TTLL11: variants seen among roughly 807,000 people sequenced by gnomAD.
TTLL11 encodes the protein tubulin polyglutamylase TTLL11.
In TTLL11, 42 loss-of-function variants were observed where a neutral mutation model predicts 51.7. That is an observed-to-expected ratio of 0.81 (90% CI 0.64 to 1.05). The LOEUF (loss-of-function observed/expected upper bound fraction) is 1.05. TTLL11 is among the 50% of genes least tolerant of loss of function. TTLL11 has a pLI of 0.00. For missense variants in TTLL11, 799 were observed against 940.4 expected (o/e 0.85, Z 1.97); for synonymous variants, 381 against 383.5 (o/e 0.99, Z 0.08).
intron 8 of TTLL11, among the ~76,000 whole-genome samples, chr9:121,844,789 A>G (rs375115206): frequency 1.3e-5 from 2 of 151,986 alleles, no homozygotes; most frequent in African/African-American, 4.8e-5. Flanking sequence ...GAGCTTGAAG[A>G]TATGTCAATA....
intron 4 of TTLL11, among the ~76,000 whole-genome samples, chr9:121,978,848 T>A (rs944971804): frequency 1.3e-5 from 2 of 152,130 alleles, no homozygotes; most frequent in African/African-American, 4.8e-5. Context: ...ATCCACAGTA[T>A]CCCCAACTGG....
intron 6 of TTLL11, among the ~76,000 whole-genome samples, chr9:121,971,746 G>GA (rs768215225): frequency 0.011 from 1,093 of 97,840 alleles, 26 homozygotes; most frequent in South Asian, 0.036. Context: ...TCTGCCTTGG[G>GA]AAAAAAAAAA....
chr9:121,874,817 C>T (rs918016889), intron 6 of TTLL11, among the ~76,000 whole-genome samples: 2 of 149,650 alleles, frequency 1.3e-5, no homozygotes, highest in Admixed American at 1.3e-4. Context: ...AGTGCAGTGG[C>T]GTGATCTCGG....
At chr9:121,967,599 G>T (rs535945738) in intron 6 of TTLL11, among the ~76,000 whole-genome samples, 55 of 152,250 alleles carry the variant, frequency 3.6e-4, no homozygotes, top group African/African-American at 1.3e-3. Flanking sequence ...AATAAATGAG[G>T]AGTCTGGATA....
At chr9:121,954,507 A>G (rs1239587266) in intron 6 of TTLL11, among the ~76,000 whole-genome samples, 4 of 152,260 alleles carry the variant, frequency 2.6e-5, no homozygotes, top group Non-Finnish European at 5.9e-5. Context: ...AACTATTTTT[A>G]GAAACACAAT....
At chr9:121,827,390 T>A (rs1588051742) in intron 8 of TTLL11, among the ~76,000 whole-genome samples, 1 of 151,940 alleles carries the variant, frequency 6.6e-6, no homozygotes, top group Admixed American at 6.6e-5. Flanking sequence ...TGCCGAAGGG[T>A]GGGGACGGGA....
Position 122,092,917 on chromosome 9 carries a change from T to C in TTLL11, c.232A>G (p.Thr78Ala), listed in dbSNP as rs757848631. ...GGCGGCGGCCGCTGAAGGACCTGGGTGTTCCCCTCCTCAGCCGCACTGGGC... is the reference window on the plus strand; with the variant it reads ...GGCGGCGGCCGCTGAAGGACCTGGGCGTTCCCCTCCTCAGCCGCACTGGGC... Reference protein sequence around the residue: ...AQPSAAEEGNTQVLQRPPPTL... With the variant: ...AQPSAAEEGNAQVLQRPPPTL... The change falls in exon 1 of 9, where the codon ACC becomes GCC. Residue 78 changes from threonine (T) to alanine (A), a missense_variant. Thr to Ala is a moderately conservative substitution (Grantham distance 58, BLOSUM62 0). Transcript: ENST00000321582. 1 of 1,578,062 alleles carries C rather than the reference T, an allele frequency of 6.3e-7. No individual in the cohort carries two copies. The highest frequency in any genetic ancestry group is 2.3e-5 in the East Asian group (1 of 43,676).
At chr9:121,884,767 C>A (rs10760203) in intron 6 of TTLL11, 83,724 of 151,924 alleles carry the variant, frequency 0.55, 24,235 homozygotes, top group Admixed American at 0.66. Context: ...ACAGGGGGCA[C>A]TTCACTTGTA....
intron 1 of TTLL11, among the ~76,000 whole-genome samples, chr9:122,067,584 C>T (rs894283885): frequency 2.6e-5 from 4 of 152,146 alleles, no homozygotes; most frequent in African/African-American, 4.8e-5. Context: ...TGCAATGGCG[C>T]GATCTCAGCT....
At chr9:122,085,000 C>T (rs1170603916) in intron 1 of TTLL11, among the ~76,000 whole-genome samples, 1 of 152,204 alleles carries the variant, frequency 6.6e-6, no homozygotes, top group Admixed American at 6.5e-5. Context: ...TGGCTCACAC[C>T]TGTAATCCCA....
intron 3 of TTLL11, among the ~76,000 whole-genome samples, chr9:122,006,831 CA>C (rs111603240): frequency 0.042 from 6,388 of 151,754 alleles, 147 homozygotes; most frequent in African/African-American, 0.07. Context: ...AATAAAAATA[CA>C]AAAATTAGCC....
chr9:121,875,008 G>C lies in TTLL11; in HGVS notation c.1482-4260C>G, dbSNP rs140119914. Reference sequence around the variant, plus strand: ...GCATAAAATCTTACAGCTATAAGTGGCTTTGGAGATCACTCTGTCCAACGA... The same window carrying C: ...GCATAAAATCTTACAGCTATAAGTGCCTTTGGAGATCACTCTGTCCAACGA... On this transcript the variant is annotated intron_variant, in intron 6 of 8. Coordinates refer to ENST00000321582, the MANE Select transcript of TTLL11 (RefSeq NM_001139442.2). 3.6e-4 allele frequency among the ~76,000 whole-genome samples: 54 copies of C among 152,094 alleles called. No homozygotes were observed. In the East Asian group the frequency reaches 7.3e-3, roughly 21 times the overall value.
chr9:122,071,754 C>CA (rs1239271996), intron 1 of TTLL11, among the ~76,000 whole-genome samples: 4 of 152,196 alleles, frequency 2.6e-5, no homozygotes, highest in Non-Finnish European at 5.9e-5. Context: ...CCTACTCACT[C>CA]AGAGGGTTGC....
intron 6 of TTLL11, among the ~76,000 whole-genome samples, chr9:121,897,640 A>ACACACACACACACACACACACACACACG (rs111331446): frequency 0.028 from 3,887 of 138,930 alleles, 91 homozygotes; most frequent in East Asian, 0.077. Flanking sequence ...ACACACACAC[A>ACACACACACACACACACACACACACACG]CGCGCGCGCG....
chr9:121,935,086 C>G (rs1841148629), intron 6 of TTLL11, among the ~76,000 whole-genome samples: 1 of 151,786 alleles, frequency 6.6e-6, no homozygotes. Flanking sequence ...TCCTGAGTAG[C>G]TGGGATTACA....
rs576855251 is a variant in TTLL11 at position 121,911,495 on chromosome 9, A to G, written c.1482-40747T>C. Reference sequence around the variant, plus strand: ...TAAAGACATATGCACATGTATGTTTATTGCAACACTATTCACAATAGCAAA... The same window carrying G: ...TAAAGACATATGCACATGTATGTTTGTTGCAACACTATTCACAATAGCAAA... On this transcript the variant is annotated intron_variant, in intron 6 of 8. Coordinates refer to ENST00000321582, the MANE Select transcript of TTLL11 (RefSeq NM_001139442.2). 2.6e-5 allele frequency among the ~76,000 whole-genome samples: 4 copies of G among 152,362 alleles called. No homozygotes were observed. The East Asian group carries it at 7.7e-4, about 29-fold the overall frequency.
chr9:121,870,737 A>G lies in TTLL11; in HGVS notation c.1493T>C (p.Leu498Pro), dbSNP rs754101472. The change falls in exon 7 of 9, where the codon CTT becomes CCT. Residue 498 changes from leucine to proline, a missense_variant. Transcript: ENST00000321582. Reference sequence around the variant, plus strand: ...TTCCTTTCCAGCGAATGGTTTTTCAAGCTGCTGAGACCTGAAGCACACAAA... The same window carrying G: ...TTCCTTTCCAGCGAATGGTTTTTCAGGCTGCTGAGACCTGAAGCACACAAA... ...KKKRENQSQQ[L>P]EKPFAGKEDA... 1.3e-6 allele frequency: 2 copies of G among 1,547,594 alleles called. No homozygotes were observed. The highest frequency in any genetic ancestry group is 2.4e-5 in the East Asian group (1 of 40,846).
At chr9:121,922,770 T>TGTGTGTGC (rs1840589315) in intron 6 of TTLL11, among the ~76,000 whole-genome samples, 1 of 151,906 alleles carries the variant, frequency 6.6e-6, no homozygotes, top group African/African-American at 2.4e-5. Flanking sequence ...AGTGTGTGTG[T>TGTGTGTGC]GTGTGTGTGT....
chr9:122,007,800 G>A (rs1194168287), intron 3 of TTLL11, among the ~76,000 whole-genome samples: 4 of 152,130 alleles, frequency 2.6e-5, no homozygotes, highest in South Asian at 4.1e-4. Flanking sequence ...ACTTGGAGGC[G>A]GGGGAAAGTC....
Sources: allele counts gnomAD v4.1 joint callset (sites outside exome capture counted in the v4.1 genomes callset), GRCh38; gene constraint gnomAD v4.1.1; transcripts MANE v1.5; gene names NCBI Gene and HGNC (gene_info 2026-07-23, HGNC 2026-07-21).